Variants in TUT4 observed in about 807,000 individuals in gnomAD.
The protein encoded by TUT4 is terminal uridylyltransferase 4.
TUT4 carries 36 observed loss-of-function variants against 192.2 expected under a neutral mutation model. The observed-to-expected ratio is 0.19, with a 90% CI of 0.14 to 0.25. The LOEUF is 0.25. Ranked by LOEUF, TUT4 falls within the 10% of genes least tolerant of loss-of-function variation. TUT4 has a pLI of 1.00. For missense variants in TUT4, 1,493 were observed against 1,957.2 expected, an observed-to-expected ratio of 0.76 and a Z score of 4.47; for synonymous variants, 618 against 666.0, an observed-to-expected ratio of 0.93 and a Z score of 1.11.
intron 11 of TUT4, 36 bp from the exon 12 acceptor site, chr1:52,477,918 C>T (rs1423954363): frequency 3.3e-6 from 5 of 1,509,064 alleles, no homozygotes; most frequent in East Asian, 2.3e-5. Context: ...TTAAGCTTAA[C>T]AAAACCATAA....
At position 52,431,198 on chromosome 1, in the gene TUT4, T is replaced by C. The variant is rs762920675; in HGVS notation, c.4526A>G (p.His1509Arg). Residue 1509 changes from histidine (H) to arginine (R), a missense_variant, in exon 28 of 30, where the codon CAT (histidine) becomes CGT (arginine). Coordinates refer to ENST00000257177, the MANE Select transcript of TUT4 (RefSeq NM_001009881.3). ...TGGTGCAGAGTGGATCACTGGGCCATGGATGGGCCAGGACGGGGCAGGGAT... is the reference window on the plus strand; with the variant it reads ...TGGTGCAGAGTGGATCACTGGGCCACGGATGGGCCAGGACGGGGCAGGGAT... Reference protein sequence around the residue: ...LQIPAPSWPIHGPVIHSAPGS... With the variant: ...LQIPAPSWPIRGPVIHSAPGS... The C allele has an allele frequency of 4.3e-6, 7 of 1,614,052 alleles. No individual in the cohort carries two copies. The highest frequency in any genetic ancestry group is 1.3e-5 in the African/African-American group (1 of 74,924).
Position 52,495,653 on chromosome 1 carries a change from C to A in TUT4, c.1178-138G>T, listed in dbSNP as rs868056870. On this transcript the variant is annotated intron_variant, in intron 5 of 29. Coordinates refer to ENST00000257177, the MANE Select transcript of TUT4 (RefSeq NM_001009881.3). Reference sequence around the variant, plus strand: ...TAAGACAATTATACAAGAAGAACACCCTTTCTAACTGATCTATAGAATAAA... The same window carrying A: ...TAAGACAATTATACAAGAAGAACACACTTTCTAACTGATCTATAGAATAAA... The A allele has an allele frequency of 1.4e-4, 74 of 547,674 alleles. No homozygotes were observed. The Middle Eastern group carries it at 2.4e-3, about 18-fold the overall frequency. The allele number at this position is 547,674 out of a possible 1,614,324, so 33.9% of individuals were successfully genotyped here.
chr1:52,489,029 T>C lies in TUT4; in HGVS notation c.1395A>G (p.Leu465=). 1 of 1,608,964 alleles carries C rather than the reference T, an allele frequency of 6.2e-7. No homozygotes were observed. Among genetic ancestry groups the C allele is most frequent in the Non-Finnish European group, 8.5e-7 (1 of 1,178,570 alleles). The part of the protein sequence containing the change: ...VVVCRDRKSG[L]LCRVSAGNDM... ...CGTTTCCTGCACTCACTCTACAAAG[T>C]AAACCACTGTGAATGAGAAAGAAAC... The change falls in exon 9 of 30, where the codon TTA becomes TTG. Residue 465 remains leucine, a synonymous_variant. Transcript: ENST00000257177.
At chr1:52,511,716 A>G (rs1677213570) in intron 3 of TUT4, among the ~76,000 whole-genome samples, 1 of 152,208 alleles carries the variant, frequency 6.6e-6, no homozygotes, top group Admixed American at 6.5e-5. Flanking sequence ...AAAAGTTAGC[A>G]TAACTGGGAA....
At chr1:52,476,217 C>T (rs1052865944) in intron 12 of TUT4, among the ~76,000 whole-genome samples, 3 of 151,748 alleles carry the variant, frequency 2.0e-5, no homozygotes, top group Non-Finnish European at 4.4e-5. Context: ...ACTCTCAAGG[C>T]TTCAACTTGA....
rs542182534 is a variant in TUT4, at chr1:52,521,370, T to C, written c.718+4193A>G. Among the ~76,000 whole-genome samples the C allele has an allele frequency of 1.1e-4, 16 of 152,244 alleles. No individual in the cohort carries two copies. The East Asian group carries it at 3.1e-3, about 29-fold the overall frequency. On this transcript the variant is annotated intron_variant, in intron 2 of 29. Coordinates refer to ENST00000257177, the MANE Select transcript of TUT4 (RefSeq NM_001009881.3). ...TTCTATATAACCTATCAAGTCCAAA[T>C]AGATAATGATCTAGCCATGTATGGT...
chr1:52,433,024 T>C (rs1388561142), intron 27 of TUT4: 2 of 152,102 alleles, frequency 1.3e-5, no homozygotes, highest in African/African-American at 4.8e-5. Context: ...GATAGTAGCC[T>C]AGGCTAAGGA....
chr1:52,434,825 G>GT (rs1335490334), intron 27 of TUT4: 1 of 152,112 alleles, frequency 6.6e-6, no homozygotes, highest in East Asian at 1.9e-4. Context: ...AGGCAATGGA[G>GT]TGAGACTCCA....
At chr1:52,513,393 C>CAAAAAAAAAAAAAA (rs554170439) in intron 3 of TUT4, among the ~76,000 whole-genome samples, 10 of 42,092 alleles carry the variant, frequency 2.4e-4, no homozygotes, top group African/African-American at 1.6e-3. Flanking sequence ...GACCCTGTCT[C>CAAAAAAAAAAAAAA]AAAAAAAAAA....
Position 52,518,741 on chromosome 1 carries a change from T to C in TUT4, c.719-2687A>G, listed in dbSNP as rs532245246. Among the ~76,000 whole-genome samples, 5 of 152,326 alleles carry C rather than the reference T, an allele frequency of 3.3e-5. No individual in the cohort carries two copies. In the East Asian group the frequency reaches 9.6e-4, roughly 29 times the overall value. On this transcript the variant is annotated intron_variant, in intron 2 of 29. Coordinates refer to ENST00000257177, the MANE Select transcript of TUT4 (RefSeq NM_001009881.3). ...CACATATTGTATGATTTCATTTCTA[T>C]GAAATATTTAGAATAGGCAAATACA... is the stretch of plus-strand genomic sequence containing the variant.
chr1:52,443,295 TA>T (rs1213559112), intron 24 of TUT4, among the ~76,000 whole-genome samples: 4,573 of 95,944 alleles, frequency 0.048, 155 homozygotes, highest in African/African-American at 0.14. Context: ...AAAAAAAAAT[TA>T]AAAAAAAAAA....
intron 10 of TUT4, 42 bp from the exon 11 acceptor site, chr1:52,481,677 TTA>T: frequency 6.5e-7 from 1 of 1,535,640 alleles, no homozygotes. Flanking sequence ...GAAAAATTAT[TTA>T]AAAAAAAAAA....
intron 2 of TUT4, among the ~76,000 whole-genome samples, chr1:52,523,977 C>T (rs1681006269): frequency 6.6e-6 from 1 of 151,988 alleles, no homozygotes; most frequent in Non-Finnish European, 1.5e-5. Flanking sequence ...GCCATGAAAA[C>T]ACTAGGAAAA....
intron 16 of TUT4, chr1:52,463,653 C>T (rs1365774808): frequency 3.1e-6 from 4 of 1,303,810 alleles, no homozygotes; most frequent in Non-Finnish European, 4.0e-6. Context: ...TGGTAAAGGA[C>T]TGAACATCTA....
intron 16 of TUT4, chr1:52,463,412 A>G: frequency 9.9e-7 from 1 of 1,014,748 alleles, no homozygotes; most frequent in Non-Finnish European, 1.2e-6. Flanking sequence ...AGACACCAGA[A>G]GCAACTTCTT....
rs141038614 is a variant in TUT4, at chr1:52,492,566, A to G, written c.1318+1045T>C. 1.2e-3 allele frequency among the ~76,000 whole-genome samples: 184 copies of G among 152,378 alleles called. 1 individual carries two copies. Among genetic ancestry groups the G allele is most frequent in the African/African-American group, 4.4e-3 (183 of 41,586 alleles). On this transcript the variant is annotated intron_variant, in intron 7 of 29. Transcript: ENST00000257177. Reference sequence around the variant, plus strand: ...TTACAGATGGGAAAGCTAAGGTATTAACACAAATAATTTGTCAAAGGACAC... The same window carrying G: ...TTACAGATGGGAAAGCTAAGGTATTGACACAAATAATTTGTCAAAGGACAC...
chr1:52,467,608 T>TA (rs1269901132), intron 15 of TUT4, among the ~76,000 whole-genome samples: 2 of 152,174 alleles, frequency 1.3e-5, no homozygotes, highest in Non-Finnish European at 2.9e-5. Flanking sequence ...ATTTATTAAC[T>TA]AAAAATCCTC....
intron 4 of TUT4, among the ~76,000 whole-genome samples, chr1:52,502,343 T>C (rs1166317506): frequency 6.6e-6 from 1 of 152,182 alleles, no homozygotes; most frequent in Non-Finnish European, 1.5e-5. Flanking sequence ...TGGGTCTCCA[T>C]GCCTTTAAAT....
At chr1:52,548,679 T>C (rs1336756684) in intron 1 of TUT4, among the ~76,000 whole-genome samples, 1 of 152,082 alleles carries the variant, frequency 6.6e-6, no homozygotes, top group Non-Finnish European at 1.5e-5. Context: ...ATAGTAACTA[T>C]GCAATAAGTT....
Sources: gnomAD v4.1 joint callset for allele counts (sites outside exome capture counted in the v4.1 genomes callset) on GRCh38, gnomAD v4.1.1 for gene constraint, MANE v1.5 for transcripts, NCBI Gene and HGNC (gene_info 2026-07-23, HGNC 2026-07-21) for gene names.